Variants in KATNAL1 observed in about 807,000 individuals in gnomAD.
The protein encoded by KATNAL1 is katanin catalytic subunit A1 like 1.
Under a neutral mutation model 55.2 loss-of-function variants are expected in KATNAL1, and 32 were observed. That is an observed-to-expected ratio of 0.58 (90% CI 0.44 to 0.78). The LOEUF is 0.78. KATNAL1 is among the 30% of genes least tolerant of loss of function. KATNAL1 has a pLI of 0.00. For missense variants in KATNAL1, 466 were observed against 600.9 expected (o/e 0.78, Z 2.35); for synonymous variants, 193 against 193.6 (o/e 1.00, Z 0.02).
intron 1 of KATNAL1, among the ~76,000 whole-genome samples, chr13:30,294,236 A>G (rs898557497): frequency 6.6e-6 from 1 of 152,248 alleles, no homozygotes; most frequent in Non-Finnish European, 1.5e-5. Context: ...GAAAGCTAAG[A>G]TAGGGCAAGA....
chr13:30,239,327 T>C (rs940273070), intron 6 of KATNAL1, among the ~76,000 whole-genome samples: 1 of 152,112 alleles, frequency 6.6e-6, no homozygotes, highest in Admixed American at 6.5e-5. Flanking sequence ...CAAGAATTGC[T>C]TGAACCCAGG....
chr13:30,227,120 C>CTG (rs1875570931), intron 9 of KATNAL1, among the ~76,000 whole-genome samples: 1 of 151,498 alleles, frequency 6.6e-6, no homozygotes, highest in South Asian at 2.1e-4. Context: ...CACACTCTCT[C>CTG]TCTCTCCAAA....
intron 6 of KATNAL1, among the ~76,000 whole-genome samples, chr13:30,237,399 A>G (rs986515011): frequency 2.0e-5 from 3 of 152,200 alleles, no homozygotes; most frequent in African/African-American, 7.2e-5. Flanking sequence ...TGGATGATAA[A>G]TGGATAGATG....
At chr13:30,270,594 G>A (rs1171496498) in intron 3 of KATNAL1, among the ~76,000 whole-genome samples, 4 of 151,978 alleles carry the variant, frequency 2.6e-5, no homozygotes, top group Non-Finnish European at 5.9e-5. Flanking sequence ...TTCTTATCCT[G>A]TTGATCTGTG....
intron 1 of KATNAL1, among the ~76,000 whole-genome samples, chr13:30,295,836 A>G (rs1216846389): frequency 6.6e-6 from 1 of 152,210 alleles, no homozygotes; most frequent in Non-Finnish European, 1.5e-5. Context: ...ATCAAACAGT[A>G]TAATTGCATG....
intron 3 of KATNAL1, among the ~76,000 whole-genome samples, chr13:30,262,090 A>C (rs770641923): frequency 5.5e-4 from 83 of 152,012 alleles, no homozygotes; most frequent in Non-Finnish European, 1.0e-3. Context: ...AACTACACGG[A>C]AACTGAACAA....
chr13:30,284,022 G>A lies in KATNAL1; in HGVS notation c.-14-231C>T, dbSNP rs778923161. ...ACTATAGGGGTGCACCACCATGCCCGGCTAATTTTTGTATTTTTAGTAGAG... is the reference window on the plus strand; with the variant it reads ...ACTATAGGGGTGCACCACCATGCCCAGCTAATTTTTGTATTTTTAGTAGAG... On this transcript the variant is annotated intron_variant, in intron 1 of 10. Coordinates refer to ENST00000380615, the MANE Select transcript of KATNAL1 (RefSeq NM_032116.5). Among the ~76,000 whole-genome samples, 174 of 151,886 alleles carry A rather than the reference G, an allele frequency of 1.1e-3. 1 individual carries two copies. The highest frequency in any genetic ancestry group is 4.0e-3 in the African/African-American group (164 of 41,432).
At chr13:30,262,953 T>C (rs1330006250) in intron 3 of KATNAL1, among the ~76,000 whole-genome samples, 22 of 152,304 alleles carry the variant, frequency 1.4e-4, no homozygotes, top group East Asian at 1.2e-3. Context: ...TGATGAACAT[T>C]GATGCAAAAA....
At chr13:30,263,111 A>G (rs1256928400) in intron 3 of KATNAL1, among the ~76,000 whole-genome samples, 1 of 152,226 alleles carries the variant, frequency 6.6e-6, no homozygotes, top group Non-Finnish European at 1.5e-5. Context: ...AGAACCATAG[A>G]CAAAAACCAC....
At chr13:30,248,724 AG>A (rs1426000672) in intron 4 of KATNAL1, among the ~76,000 whole-genome samples, 2 of 152,230 alleles carry the variant, frequency 1.3e-5, no homozygotes, top group Non-Finnish European at 2.9e-5. Context: ...CAGGAGTTCG[AG>A]ACCAGCCTGG....
chr13:30,267,872 C>CA (rs1424106638), intron 3 of KATNAL1, among the ~76,000 whole-genome samples: 4 of 152,160 alleles, frequency 2.6e-5, no homozygotes, highest in African/African-American at 7.2e-5. Flanking sequence ...TTTATTGACA[C>CA]AAGTGAGATC....
At chr13:30,233,397 C>G (rs1047462938) in intron 6 of KATNAL1, among the ~76,000 whole-genome samples, 21 of 151,864 alleles carry the variant, frequency 1.4e-4, no homozygotes, top group African/African-American at 5.1e-4. Flanking sequence ...CAAGTTAAAA[C>G]CAAAATGAGA....
In KATNAL1 at chr13:30,251,252, G is replaced by GT. The variant is rs970007889; in HGVS notation, c.492+4194dup. On this transcript the variant is annotated intron_variant, in intron 4 of 10. Transcript: ENST00000380615. ...TTTACTTTTAGATTATCCTTCTTAA[G>GT]TAAAAAAAATCCTTTCGTTACTTCT... 7.2e-4 allele frequency among the ~76,000 whole-genome samples: 65 copies of GT among 89,692 alleles called. 1 individual carries two copies. In the East Asian group the frequency reaches 0.052, roughly 72 times the overall value. The allele number at this position is 89,692 out of a possible 152,430, so 58.8% of individuals were successfully genotyped here.
chr13:30,284,823 T>C (rs1881668038), intron 1 of KATNAL1, among the ~76,000 whole-genome samples: 2 of 152,212 alleles, frequency 1.3e-5, no homozygotes, highest in African/African-American at 4.8e-5. Flanking sequence ...TCTTCCAGGC[T>C]TTCCAAAAGT....
At chr13:30,289,131 C>A (rs1213743771) in intron 1 of KATNAL1, among the ~76,000 whole-genome samples, 1 of 152,178 alleles carries the variant, frequency 6.6e-6, no homozygotes, top group African/African-American at 2.4e-5. Flanking sequence ...TTTAGCTATT[C>A]TACACACACT....
chr13:30,284,096 G>A (rs974040309), intron 1 of KATNAL1, among the ~76,000 whole-genome samples: 7 of 152,062 alleles, frequency 4.6e-5, no homozygotes, highest in African/African-American at 1.7e-4. Flanking sequence ...CTGTCCTTAG[G>A]TGATCCACCC....
chr13:30,254,615 C>T (rs545237544), intron 4 of KATNAL1, among the ~76,000 whole-genome samples: 1 of 152,202 alleles, frequency 6.6e-6, no homozygotes, highest in East Asian at 1.9e-4. Flanking sequence ...TGATGGATAA[C>T]CACTTGTTAT....
At chr13:30,280,269 T>G (rs950622564) in intron 2 of KATNAL1, 46 bp from the exon 3 acceptor site, 2 of 1,440,224 alleles carry the variant, frequency 1.4e-6, no homozygotes, top group Non-Finnish European at 1.9e-6. Flanking sequence ...GTTTAAATAC[T>G]TCATAAATTG....
intron 9 of KATNAL1, among the ~76,000 whole-genome samples, chr13:30,218,540 T>C (rs918336521): frequency 1.3e-5 from 2 of 152,158 alleles, no homozygotes; most frequent in Middle Eastern, 3.2e-3. Flanking sequence ...TACAATGTGA[T>C]CCTACCACTC....
Sources: gnomAD v4.1 joint callset for allele counts (sites outside exome capture counted in the v4.1 genomes callset) on GRCh38, gnomAD v4.1.1 for gene constraint, MANE v1.5 for transcripts, NCBI Gene and HGNC (gene_info 2026-07-23, HGNC 2026-07-21) for gene names.